ANO10: variants seen among roughly 807,000 people sequenced by gnomAD.
The protein encoded by ANO10 is anoctamin 10, also known as anoctamin-10.
ANO10 carries 77 observed loss-of-function variants against 74.7 expected under a neutral mutation model. The observed-to-expected ratio is 1.03, with a 90% CI of 0.86 to 1.25. ANO10 has a LOEUF of 1.25. Among genes scored for constraint, ANO10 ranks in the 50% most tolerant of loss-of-function variants. The probability of loss-of-function intolerance (pLI) is 0.00; values close to 1 mark genes in which losing one functional copy is unlikely to be tolerated. For missense variants in ANO10, 721 were observed against 778.1 expected (o/e 0.93, Z 0.87); for synonymous variants, 279 against 284.9 (o/e 0.98, Z 0.21).
At chr3:43,449,515 C>CTTTTTTTT (rs61265406) in intron 11 of ANO10, among the ~76,000 whole-genome samples, 465 of 106,914 alleles carry the variant, frequency 4.3e-3, no homozygotes, top group Non-Finnish European at 5.5e-3. Context: ...TATCTAGATT[C>CTTTTTTTT]TTTTTTTTTT....
chr3:43,685,500 T>G (rs940554219), intron 1 of ANO10, among the ~76,000 whole-genome samples: 2 of 152,176 alleles, frequency 1.3e-5, no homozygotes, highest in Non-Finnish European at 1.5e-5. Context: ...GAAGCAAACA[T>G]CTTTTTATGT....
intron 10 of ANO10, among the ~76,000 whole-genome samples, chr3:43,552,718 A>ATGTATGTATGTATG (rs1361415230): frequency 2.3e-5 from 3 of 133,140 alleles, no homozygotes; most frequent in Non-Finnish European, 4.6e-5. Flanking sequence ...ATATATATAT[A>ATGTATGTATGTATG]TATATATATA....
intron 11 of ANO10, among the ~76,000 whole-genome samples, chr3:43,444,323 C>G (rs2093208705): frequency 1.3e-5 from 2 of 152,196 alleles, no homozygotes; most frequent in Admixed American, 1.3e-4. Flanking sequence ...AGCCACATTT[C>G]ATGCACAAAG....
intron 9 of ANO10, among the ~76,000 whole-genome samples, chr3:43,560,512 T>C (rs1265341714): frequency 6.6e-6 from 1 of 152,136 alleles, no homozygotes; most frequent in African/African-American, 2.4e-5. Context: ...AATGACCCAC[T>C]GAAGGATCTA....
intron 5 of ANO10, 82 bp from the exon 6 acceptor site, chr3:43,577,343 T>G: frequency 9.5e-6 from 13 of 1,369,152 alleles, no homozygotes; most frequent in Non-Finnish European, 1.3e-5. Flanking sequence ...TATTCATTTT[T>G]TAGTTAAGTG....
intron 11 of ANO10, among the ~76,000 whole-genome samples, chr3:43,500,599 A>G (rs2077065759): frequency 6.6e-6 from 1 of 152,206 alleles, no homozygotes; most frequent in Non-Finnish European, 1.5e-5. Flanking sequence ...CCTTAGGCTC[A>G]GTGAAATGTG....
chr3:43,488,295 C>T (rs374719234), intron 11 of ANO10, among the ~76,000 whole-genome samples: 1 of 150,758 alleles, frequency 6.6e-6, no homozygotes. Flanking sequence ...AAAGCAATGG[C>T]AACAAAAGAC....
intron 1 of ANO10, 72 bp downstream of exon 1, chr3:43,621,837 G>C (rs1452717718): frequency 6.5e-6 from 1 of 152,760 alleles, no homozygotes; most frequent in Non-Finnish European, 1.5e-5. Flanking sequence ...CAGCGGCCGG[G>C]GCTCTGTGGC....
intron 1 of ANO10, among the ~76,000 whole-genome samples, chr3:43,630,413 C>A (rs1182557231): frequency 6.6e-6 from 1 of 151,928 alleles, no homozygotes; most frequent in Non-Finnish European, 1.5e-5. Context: ...AAAGACACAC[C>A]AGGCAAATAT....
rs200306039 is a variant in ANO10, at chr3:43,604,248, CT to C, written c.139+1465del. ...GGAACATTCAATATCCTCCTTCTAGCTATTTGAAACTCTGTATCATTTCTTA... is the reference window on the plus strand; with the variant it reads ...GGAACATTCAATATCCTCCTTCTAGCATTTGAAACTCTGTATCATTTCTTA... On this transcript the variant is annotated intron_variant, in intron 2 of 12. Coordinates refer to ENST00000292246, the MANE Select transcript of ANO10 (RefSeq NM_018075.5). Among the ~76,000 whole-genome samples, 1,403 of 152,232 alleles carry C rather than the reference CT, an allele frequency of 9.2e-3. 20 individuals are homozygous for C. Among genetic ancestry groups the C allele is most frequent in the African/African-American group, 0.031 (1,281 of 41,536 alleles).
intron 12 of ANO10, among the ~76,000 whole-genome samples, chr3:43,419,870 T>C (rs1314816105): frequency 6.6e-6 from 1 of 152,218 alleles, no homozygotes; most frequent in African/African-American, 2.4e-5. Context: ...GGGTTCACTA[T>C]ATTACTATTT....
chr3:43,637,193 T>C (rs7621681), intron 1 of ANO10, among the ~76,000 whole-genome samples: 109,225 of 151,164 alleles, frequency 0.72, 39,954 homozygotes, highest in East Asian at 0.9. Flanking sequence ...AAAAGCTGGG[T>C]GCGGTGGCTC....
intron 11 of ANO10, among the ~76,000 whole-genome samples, chr3:43,494,233 C>T (rs1209387380): frequency 6.6e-6 from 1 of 152,144 alleles, no homozygotes; most frequent in Admixed American, 6.5e-5. Context: ...GCAGGCGGAT[C>T]ACCTGAAGTC....
intron 1 of ANO10, among the ~76,000 whole-genome samples, chr3:43,652,649 A>G (rs1214956672): frequency 5.9e-5 from 9 of 152,222 alleles, no homozygotes; most frequent in Admixed American, 5.2e-4. Flanking sequence ...TTTAAGGTTT[A>G]TAAGTTATAG....
chr3:43,378,234 C>T (rs1285741890), intron 12 of ANO10, among the ~76,000 whole-genome samples: 1 of 152,166 alleles, frequency 6.6e-6, no homozygotes, highest in African/African-American at 2.4e-5. Flanking sequence ...TGAGTAGGAG[C>T]AGCTGCCAAA....
chr3:43,519,901 G>A (rs1327887167), intron 11 of ANO10, among the ~76,000 whole-genome samples: 4 of 152,116 alleles, frequency 2.6e-5, no homozygotes, highest in Non-Finnish European at 4.4e-5. Context: ...GTAACTGTAG[G>A]GCTTAATGAG....
At chr3:43,566,092 C>T (rs1004328954) in intron 7 of ANO10, among the ~76,000 whole-genome samples, 19 of 152,234 alleles carry the variant, frequency 1.2e-4, no homozygotes, top group African/African-American at 4.6e-4. Flanking sequence ...CCTGGAAAAT[C>T]GGGTCACTCC....
intron 4 of ANO10, among the ~76,000 whole-genome samples, chr3:43,591,832 G>A (rs2081780436): frequency 6.6e-6 from 1 of 152,196 alleles, no homozygotes; most frequent in Admixed American, 6.5e-5. Flanking sequence ...AGGGGTCGGG[G>A]AATTCCCTTT....
chr3:43,667,502 T>C (rs1344191728), intron 1 of ANO10, among the ~76,000 whole-genome samples: 1 of 152,138 alleles, frequency 6.6e-6, no homozygotes, highest in Non-Finnish European at 1.5e-5. Flanking sequence ...GTAAGTTCTT[T>C]AGTGGTGATT....
Sources: gnomAD v4.1 joint callset for allele counts (sites outside exome capture counted in the v4.1 genomes callset) on GRCh38, gnomAD v4.1.1 for gene constraint, MANE v1.5 for transcripts, NCBI Gene and HGNC (gene_info 2026-07-23, HGNC 2026-07-21) for gene names.